PCNT: variants seen among roughly 807,000 people sequenced by gnomAD.
PCNT encodes kendrin.
A neutral mutation model predicts 380.4 loss-of-function variants in PCNT; 319 were observed. The observed-to-expected ratio is 0.84, with a 90% confidence interval of 0.77 to 0.92. The LOEUF is 0.92. Ranked by LOEUF, PCNT falls within the 40% of genes least tolerant of loss-of-function variation. The pLI is 0.00. For synonymous variants in PCNT, 1,845 were observed against 1,735.2 expected (o/e 1.06, Z -1.57); for missense variants, 4,400 against 4,255.3 (o/e 1.03, Z -0.95).
chr21:46,391,925 G>C (rs937077282), intron 21 of PCNT, among the ~76,000 whole-genome samples: 1 of 152,146 alleles, frequency 6.6e-6, no homozygotes, highest in South Asian at 2.1e-4. Flanking sequence ...CATTGCATTC[G>C]TGCATCTCAG....
intron 43 of PCNT, among the ~76,000 whole-genome samples, chr21:46,441,646 C>A (rs1244350590): frequency 3.9e-5 from 6 of 152,234 alleles, no homozygotes; most frequent in Non-Finnish European, 7.4e-5. Context: ...TCTCTGAGCT[C>A]CCCTGACCGT....
Position 46,340,245 on chromosome 21 carries a change from G to T in PCNT, c.639+5477G>T, listed in dbSNP as rs117246984. Among the ~76,000 whole-genome samples the T allele has an allele frequency of 4.2e-3, 633 of 152,250 alleles. 3 individuals are homozygous for T. Among genetic ancestry groups the T allele is most frequent in the Non-Finnish European group, 6.1e-3 (412 of 68,026 alleles). On this transcript the variant is annotated intron_variant, in intron 3 of 46. Coordinates refer to ENST00000359568, the MANE Select transcript of PCNT (RefSeq NM_006031.6). ...CAGGAGACAAGCACGGGAAAGACCC[G>T]CCCCCATGATTCAGTTACCTCCCAC...
In PCNT at chr21:46,406,630, C is replaced by T. The variant is rs188318697; in HGVS notation, c.5115+4147C>T. On this transcript the variant is annotated intron_variant, in intron 27 of 46. Transcript: ENST00000359568. ...ATTACAATGTCTAGCACTCCCAGTACAAAGTTAAAACTGGCTAGGGCAGTC... is the reference window on the plus strand; with the variant it reads ...ATTACAATGTCTAGCACTCCCAGTATAAAGTTAAAACTGGCTAGGGCAGTC... Among the ~76,000 whole-genome samples, 340 of 152,308 alleles carry T rather than the reference C, an allele frequency of 2.2e-3. 1 individual carries two copies. Among genetic ancestry groups the T allele is most frequent in the African/African-American group, 7.7e-3 (320 of 41,572 alleles).
Position 46,441,012 on chromosome 21 carries a change from C to T in PCNT, c.9551C>T (p.Ala3184Val). The T allele has an allele frequency of 6.2e-7, 1 of 1,614,066 alleles. No homozygotes were observed. Among genetic ancestry groups the T allele is most frequent in the Admixed American group, 1.7e-5 (1 of 60,022 alleles). ...IAHLGVFPSKAERKITSRPFT... is the reference protein window; with the variant it reads ...IAHLGVFPSKVERKITSRPFT... ...CATTTGGGGGTATTTCCTTCCAAAGCAGAACGGAAAATCACATCTCGTCCT... is the reference window on the plus strand; with the variant it reads ...CATTTGGGGGTATTTCCTTCCAAAGTAGAACGGAAAATCACATCTCGTCCT... Residue 3184 changes from alanine (A) to valine (V), a missense_variant, in exon 43 of 47, where the codon GCA becomes GTA. Coordinates refer to ENST00000359568, the MANE Select transcript of PCNT (RefSeq NM_006031.6).
At chr21:46,356,921 C>T in intron 12 of PCNT, 53 bp from the exon 13 acceptor site, 2 of 1,510,538 alleles carry the variant, frequency 1.3e-6, no homozygotes, top group South Asian at 1.1e-5. Flanking sequence ...ACTGTGGGCT[C>T]CATCGAGGGC....
intron 22 of PCNT, 110 bp downstream of exon 22, chr21:46,397,604 C>G: frequency 1.1e-6 from 1 of 893,198 alleles, no homozygotes; most frequent in Non-Finnish European, 1.8e-6. Context: ...TTGAAGAGGG[C>G]GCCCCACACC....
At position 46,334,820 on chromosome 21, in the gene PCNT, A is replaced by G. The variant is rs530466748; in HGVS notation, c.639+52A>G. ...GTATTCTTTGTCAAAAGATTTCTTTATGTTGTAGAAATCCAAACCAGTGAG... is the reference window on the plus strand; with the variant it reads ...GTATTCTTTGTCAAAAGATTTCTTTGTGTTGTAGAAATCCAAACCAGTGAG... On this transcript the variant is annotated intron_variant, in intron 3 of 46. Coordinates refer to ENST00000359568, the MANE Select transcript of PCNT (RefSeq NM_006031.6). 55 of 1,613,782 alleles carry G rather than the reference A, an allele frequency of 3.4e-5. No individual in the cohort carries two copies. In the South Asian group the frequency reaches 4.5e-4, roughly 13 times the overall value.
intron 32 of PCNT, 98 bp downstream of exon 32, chr21:46,422,222 G>A (rs2147853279): frequency 6.8e-7 from 1 of 1,474,616 alleles, no homozygotes; most frequent in Non-Finnish European, 9.3e-7. Flanking sequence ...GCCTTGGAGG[G>A]CCAGCTTTTC....
Position 46,402,329 on chromosome 21 carries a change from A to C in PCNT, c.4963-2A>C. 1 of 1,588,702 alleles carries C rather than the reference A, an allele frequency of 6.3e-7. No individual in the cohort carries two copies. The highest frequency in any genetic ancestry group is 1.1e-5 in the South Asian group (1 of 90,176). On this transcript the variant is annotated splice_acceptor_variant, in intron 26 of 46. Coordinates refer to ENST00000359568, the MANE Select transcript of PCNT (RefSeq NM_006031.6). LOFTEE classifies it high-confidence loss of function. ...ACTTTTCTTCTTTTGTTTTAATGAA[A>C]GGTTTTGGACTTAAAAGAACAGCTA...
intron 27 of PCNT, among the ~76,000 whole-genome samples, chr21:46,405,182 G>C (rs536210620): frequency 1.3e-5 from 2 of 152,328 alleles, no homozygotes; most frequent in East Asian, 3.9e-4. Flanking sequence ...ACAGTGAGCT[G>C]TGATCATGCC....
At chr21:46,438,587 T>C (rs998131934) in intron 41 of PCNT, among the ~76,000 whole-genome samples, 25 of 152,220 alleles carry the variant, frequency 1.6e-4, no homozygotes, top group African/African-American at 5.8e-4. Flanking sequence ...ACTTGATGTT[T>C]GGTGCATGTT....
intron 15 of PCNT, among the ~76,000 whole-genome samples, chr21:46,380,314 A>G (rs2085483116): frequency 6.6e-6 from 1 of 151,654 alleles, no homozygotes; most frequent in Non-Finnish European, 1.5e-5. Context: ...GGTGCCCACC[A>G]CCACACCCAG....
Position 46,347,381 on chromosome 21 carries a change from G to C in PCNT, c.977-76G>C, listed in dbSNP as rs75756987. On this transcript the variant is annotated intron_variant, in intron 5 of 46. Transcript: ENST00000359568. ...ACGTGTCCAGTGGGTGCCAGAGCCT[G>C]GTCGTTTCCTGGGCAGTTGGGTCAC... The C allele has an allele frequency of 0.12, 171,658 of 1,450,268 alleles. 11,258 individuals are homozygous for C. Among genetic ancestry groups the C allele is most frequent in the East Asian group, 0.22 (9,796 of 44,084 alleles). The allele number at this position is 1,450,268 out of a possible 1,614,324, so 89.8% of individuals were successfully genotyped here.
At position 46,431,685 on chromosome 21, in the gene PCNT, T is replaced by C. The variant is rs1327031364; in HGVS notation, c.8221T>C (p.Ser2741Pro). Residue 2741 changes from serine (S) to proline (P), a missense_variant, in exon 38 of 47, where the codon TCT (serine) becomes CCT (proline). Coordinates refer to ENST00000359568, the MANE Select transcript of PCNT (RefSeq NM_006031.6). ...GCTGGCTCAGGAGCGGAGCCAGCTC[T>C]CTGAGCTCCAGAAGGACCTTGCGGC... ...ALLAQERSQL[S>P]ELQKDLAAEK... is the part of the protein sequence containing the mutation. 6.2e-7 allele frequency: 1 copy of C among 1,612,788 alleles called. No homozygotes were observed. Among genetic ancestry groups the C allele is most frequent in the African/African-American group, 1.3e-5 (1 of 74,936 alleles).
chr21:46,333,708 C>T (rs531029826), intron 2 of PCNT, among the ~76,000 whole-genome samples: 5 of 148,566 alleles, frequency 3.4e-5, no homozygotes, highest in Admixed American at 2.0e-4. Flanking sequence ...CAAGACCAGT[C>T]TGGCCAACAT....
Position 46,445,540 on chromosome 21 carries a change from C to T in PCNT, c.*213C>T. The T allele has an allele frequency of 1.7e-6, 1 of 598,422 alleles. No homozygotes were observed. 37.1% of individuals were successfully genotyped at this position (598,422 alleles called of 1,614,324 possible). On this transcript the variant is annotated 3_prime_UTR_variant, in exon 47 of 47. Transcript: ENST00000359568. ...CTATGGAGCCTCCGTATGTTTTAGG[C>T]CCATGACCTTCGTGAGGTGACGGGC...
chr21:46,363,578 C>A lies in PCNT; in HGVS notation c.2253C>A (p.Asp751Glu). ...MKQEFQRKET[D>E]WKVMKEELQR... ...AGGAATTCCAAAGAAAAGAAACGGA[C>A]TGGAAAGTTATGAAGGAGGAGCTAC... Residue 751 changes from aspartate to glutamate, a missense_variant, in exon 14 of 47, where the codon GAC becomes GAA. Asp to Glu is a conservative substitution (Grantham distance 45, BLOSUM62 2). Transcript: ENST00000359568. 1 of 1,614,114 alleles carries A rather than the reference C, an allele frequency of 6.2e-7. No individual in the cohort carries two copies. Among genetic ancestry groups the A allele is most frequent in the Non-Finnish European group, 8.5e-7 (1 of 1,180,004 alleles).
At chr21:46,327,658 GTTC>G (rs1338978202) in intron 2 of PCNT, among the ~76,000 whole-genome samples, 1 of 152,270 alleles carries the variant, frequency 6.6e-6, no homozygotes, top group African/African-American at 2.4e-5. Flanking sequence ...AAGACTGGGA[GTTC>G]TTCGTGTGTG....
chr21:46,337,883 G>GT (rs796208760), intron 3 of PCNT, among the ~76,000 whole-genome samples: 95 of 149,278 alleles, frequency 6.4e-4, no homozygotes, highest in African/African-American at 2.2e-3. Context: ...CGCGCAGACT[G>GT]TTTTTTTTGA....
Sources: gnomAD v4.1 joint callset for allele counts (sites outside exome capture counted in the v4.1 genomes callset) on GRCh38, gnomAD v4.1.1 for gene constraint, MANE v1.5 for transcripts, NCBI Gene and HGNC (gene_info 2026-07-23, HGNC 2026-07-21) for gene names.